HADHA: variants seen among roughly 807,000 people sequenced by gnomAD.
The protein encoded by HADHA is trifunctional enzyme subunit alpha, mitochondrial.
HADHA carries 59 observed loss-of-function variants against 91.3 expected under a neutral mutation model. That is an observed-to-expected ratio of 0.65 (90% CI 0.52 to 0.80). The LOEUF is 0.80. Among genes scored for constraint, HADHA ranks in the 30% least tolerant of loss-of-function variants. The pLI is 0.00. For missense variants in HADHA, 800 were observed against 927.6 expected (o/e 0.86, Z 1.79); for synonymous variants, 320 against 338.9 (o/e 0.94, Z 0.61).
chr2:26,229,336 A>ATG lies in HADHA; in HGVS notation c.676+854_676+855dup, dbSNP rs796826432. ...CTGAGCAACAGAGTGAGACCCCAAC[A>ATG]TGTGTGCGCGCGCACACACACACAC... is the stretch of plus-strand genomic sequence containing the variant. On this transcript the variant is annotated intron_variant, in intron 7 of 19. Transcript: ENST00000380649. The surrounding 1 kb of genome is among the most constrained non-coding windows in gnomAD (Gnocchi z 4.3). Among the ~76,000 whole-genome samples, 5 of 100,554 alleles carry ATG rather than the reference A, an allele frequency of 5.0e-5. No homozygotes were observed. Among genetic ancestry groups the ATG allele is most frequent in the Admixed American group, 3.2e-4 (3 of 9,250 alleles). 66.0% of individuals were successfully genotyped at this position (100,554 alleles called of 152,430 possible).
intron 12 of HADHA, 28 bp from the exon 13 acceptor site, chr2:26,201,348 G>C: frequency 6.7e-7 from 1 of 1,501,498 alleles, no homozygotes; most frequent in African/African-American, 1.4e-5. Flanking sequence ...CTAGTTAGAT[G>C]GGAAGAAAAG....
rs563620476 is a variant in HADHA at position 26,228,278 on chromosome 2, A to T, written c.676+1914T>A. On this transcript the variant is annotated intron_variant, in intron 7 of 19. Coordinates refer to ENST00000380649, the MANE Select transcript of HADHA (RefSeq NM_000182.5). ...CCCAAGTAGCTGGGACCACAGGTGC[A>T]CACCACTACACCCAGCTAATTTTTG... 2.0e-4 allele frequency among the ~76,000 whole-genome samples: 31 copies of T among 152,074 alleles called. 2 individuals are homozygous for T. In the South Asian group the frequency reaches 6.4e-3, roughly 32 times the overall value.
intron 10 of HADHA, among the ~76,000 whole-genome samples, chr2:26,211,233 C>T (rs535821248): frequency 1.3e-5 from 2 of 152,188 alleles, no homozygotes; most frequent in South Asian, 4.2e-4. Flanking sequence ...TTTTTCTGTA[C>T]GTATGTTTAT....
At chr2:26,208,845 T>C (rs950438527) in intron 11 of HADHA, among the ~76,000 whole-genome samples, 3 of 152,246 alleles carry the variant, frequency 2.0e-5, no homozygotes, top group African/African-American at 7.2e-5. Context: ...CAGTTAAGGT[T>C]GTATTTCAGA....
At chr2:26,211,518 A>G (rs1004533924) in intron 10 of HADHA, among the ~76,000 whole-genome samples, 10 of 152,230 alleles carry the variant, frequency 6.6e-5, no homozygotes, top group African/African-American at 2.4e-4. Flanking sequence ...GTATGATATT[A>G]CCATCAGGCT....
chr2:26,239,742 G>T (rs1449694888), intron 1 of HADHA, among the ~76,000 whole-genome samples: 1 of 151,614 alleles, frequency 6.6e-6, no homozygotes, highest in Non-Finnish European at 1.5e-5. Context: ...AAAAAAGAAA[G>T]AAAACTGTGG....
chr2:26,232,173 C>G lies in HADHA; in HGVS notation c.560G>C (p.Arg187Thr), dbSNP rs146667859. ...TGTTAGACTCACCATTTTGGGCAGC[C>G]TTTGTGTGCCTCCTGCTCCTGGTAA... ...GALPGAGGTQRLPKMVGVPAA... is the reference protein window; with the variant it reads ...GALPGAGGTQTLPKMVGVPAA... Residue 187 changes from arginine (R) to threonine (T), a missense_variant, in exon 6 of 20, where the codon AGG becomes ACG. Arg to Thr is a moderately conservative substitution (Grantham distance 71, BLOSUM62 -1). Coordinates refer to ENST00000380649, the MANE Select transcript of HADHA (RefSeq NM_000182.5). The G allele has an allele frequency of 2.1e-5, 34 of 1,611,148 alleles. No individual in the cohort carries two copies. The highest frequency in any genetic ancestry group is 6.8e-6 in the Non-Finnish European group (8 of 1,177,496).
intron 10 of HADHA, 62 bp from the exon 11 acceptor site, chr2:26,209,951 T>C (rs2147766774): frequency 2.2e-6 from 2 of 892,790 alleles, no homozygotes; most frequent in South Asian, 2.6e-5. Context: ...ATGGATTCCT[T>C]CAGTTCAGGT....
At position 26,222,109 on chromosome 2, in the gene HADHA, GAGGCCATT is replaced by G. The variant is rs145284092; in HGVS notation, c.677-6942_677-6935del. 5.4e-3 allele frequency among the ~76,000 whole-genome samples: 817 copies of G among 152,270 alleles called. 6 individuals carry two copies. The highest frequency in any genetic ancestry group is 0.019 in the African/African-American group (793 of 41,542). ...TTTAAAGAAGCGATTAAGTTAAAAT[GAGGCCATT>G]AGGGTGTACCCTAATCTAATCTGAC... On this transcript the variant is annotated intron_variant, in intron 7 of 19. Transcript: ENST00000380649.
chr2:26,212,309 A>G (rs1670120183), intron 10 of HADHA: 1 of 461,578 alleles, frequency 2.2e-6, no homozygotes, highest in Admixed American at 3.4e-5. Flanking sequence ...CTGGTCTTGA[A>G]CTCCTGAGCT....
chr2:26,207,228 C>CA (rs971952764), intron 11 of HADHA, among the ~76,000 whole-genome samples: 10 of 145,434 alleles, frequency 6.9e-5, no homozygotes, highest in Non-Finnish European at 9.0e-5. Flanking sequence ...TTTCCCCTAA[C>CA]AAAAAAAATC....
chr2:26,194,024 CTT>C (rs750883968), intron 16 of HADHA, among the ~76,000 whole-genome samples: 59 of 152,216 alleles, frequency 3.9e-4, no homozygotes, highest in Non-Finnish European at 3.1e-4. Context: ...TCATTTTCTT[CTT>C]GTTTGCATTT....
chr2:26,236,378 CTCTGTGTG>C lies in HADHA; in HGVS notation c.314+469_314+476del, dbSNP rs1237985540. Among the ~76,000 whole-genome samples the C allele has an allele frequency of 5.5e-3, 227 of 41,418 alleles. 3 individuals are homozygous for C. Among genetic ancestry groups the C allele is most frequent in the South Asian group, 0.022 (26 of 1,170 alleles). The allele number at this position is 41,418 out of a possible 152,430, so 27.2% of individuals were successfully genotyped here. On this transcript the variant is annotated intron_variant, in intron 4 of 19. Transcript: ENST00000380649. ...GTGTGTGTATATATATATATATATA[CTCTGTGTG>C]TGTGTGTGTGTGTGTGTGTGTGTGT...
Position 26,204,051 on chromosome 2 carries a change from A to G in HADHA, c.1220+11T>C. 1 of 1,613,200 alleles carries G rather than the reference A, an allele frequency of 6.2e-7. No individual in the cohort carries two copies. Among genetic ancestry groups the G allele is most frequent in the Non-Finnish European group, 8.5e-7 (1 of 1,179,152 alleles). On this transcript the variant is annotated intron_variant, in intron 12 of 19. Transcript: ENST00000380649. The stretch of plus-strand genomic sequence containing the variant: ...CATTCTAACTCTTGCAAAGAGAGAG[A>G]GCAGGCTTACCCTTTGAACACTTGT...
chr2:26,202,976 A>G (rs1380275826), intron 12 of HADHA, among the ~76,000 whole-genome samples: 1 of 152,214 alleles, frequency 6.6e-6, no homozygotes, highest in African/African-American at 2.4e-5. Context: ...CGAAAAGGGG[A>G]ACCCAGGACA....
intron 5 of HADHA, among the ~76,000 whole-genome samples, chr2:26,232,510 T>C (rs771207571): frequency 6.6e-6 from 1 of 152,132 alleles, no homozygotes; most frequent in Non-Finnish European, 1.5e-5. Flanking sequence ...CTAAAAAATC[T>C]ACTGAAAGCT....
intron 16 of HADHA, 39 bp downstream of exon 16, chr2:26,194,531 G>A: frequency 8.2e-7 from 1 of 1,217,138 alleles, no homozygotes; most frequent in African/African-American, 1.5e-5. Context: ...GACTGAAGGA[G>A]TGGAAGATGC....
At chr2:26,244,433 G>A in intron 1 of HADHA, 97 bp downstream of exon 1, 1 of 1,245,860 alleles carries the variant, frequency 8.0e-7, no homozygotes, top group East Asian at 2.5e-5. Flanking sequence ...TCCGGGCTGG[G>A]GCAGGCGGCA....
chr2:26,241,661 A>C (rs527583661), intron 1 of HADHA, among the ~76,000 whole-genome samples: 16 of 152,022 alleles, frequency 1.1e-4, no homozygotes, highest in South Asian at 4.2e-4. Context: ...CAAAAAAAAA[A>C]CCGAAAAAAC....
Sources: allele counts gnomAD v4.1 joint callset (sites outside exome capture counted in the v4.1 genomes callset), GRCh38; gene constraint gnomAD v4.1.1; non-coding constraint Gnocchi (gnomAD v3.1); transcripts MANE v1.5; gene names NCBI Gene and HGNC (gene_info 2026-07-23, HGNC 2026-07-21).